The following TMEM131L variants were observed in gnomAD, a reference collection of about 807,000 sequenced individuals.
TMEM131L encodes the protein transmembrane 131 like.
In TMEM131L, 54 loss-of-function variants were observed where a neutral mutation model predicts 192.2. The observed-to-expected ratio is 0.28, with a 90% CI of 0.23 to 0.35. The LOEUF (loss-of-function observed/expected upper bound fraction) is 0.35. TMEM131L is among the 10% of genes least tolerant of loss of function. TMEM131L has a pLI of 1.00. For synonymous variants in TMEM131L, 701 were observed against 704.9 expected, an observed-to-expected ratio of 0.99 and a Z score of 0.09; for missense variants, 1,888 against 1,972.9, an observed-to-expected ratio of 0.96 and a Z score of 0.82.
In TMEM131L at chr4:153,603,326, T is replaced by G. The variant is rs1338777054; in HGVS notation, c.2663T>G (p.Leu888Ter). ...AGTTTGTCCCTGTTGGGTGTGATTT[T>G]AATAGCCTTCCAACAAGCACAGTAC... ...FVSLSLLGVI[L>*]IAFQQAQYIL... The change falls in exon 24 of 35, where the codon TTA (leucine) becomes TGA (stop). Residue 888 changes from leucine (L) to a stop codon, truncating the protein, a stop_gained. Transcript: ENST00000409959. LOFTEE classifies it high-confidence loss of function. 1 of 1,613,868 alleles carries G rather than the reference T, an allele frequency of 6.2e-7. No individual in the cohort carries two copies. Among genetic ancestry groups the G allele is most frequent in the Non-Finnish European group, 8.5e-7 (1 of 1,179,868 alleles).
At chr4:153,503,613 G>A (rs549859979) in intron 3 of TMEM131L, among the ~76,000 whole-genome samples, 6 of 152,268 alleles carry the variant, frequency 3.9e-5, no homozygotes, top group Non-Finnish European at 1.5e-5. Flanking sequence ...TTCATGGCCG[G>A]ACTCAGGACA....
chr4:153,561,391 A>T (rs1000038167), intron 7 of TMEM131L, among the ~76,000 whole-genome samples: 1 of 152,124 alleles, frequency 6.6e-6, no homozygotes, highest in African/African-American at 2.4e-5. Context: ...GATGAAGTCA[A>T]GTTTTTCTGT....
chr4:153,499,733 C>T (rs1277663927), intron 3 of TMEM131L, among the ~76,000 whole-genome samples: 1 of 152,186 alleles, frequency 6.6e-6, no homozygotes, highest in Admixed American at 6.5e-5. Flanking sequence ...CCCCTTATGA[C>T]ATTCTTACCC....
intron 3 of TMEM131L, among the ~76,000 whole-genome samples, chr4:153,527,777 G>A (rs1432184498): frequency 1.3e-5 from 2 of 152,172 alleles, no homozygotes; most frequent in Admixed American, 6.5e-5. Flanking sequence ...GTTTTACCTG[G>A]CAGCGTGTGG....
chr4:153,589,133 G>A, intron 16 of TMEM131L, 126 bp downstream of exon 16: 2 of 612,902 alleles, frequency 3.3e-6, no homozygotes, highest in Non-Finnish European at 5.8e-6. Context: ...TGAAACTGTA[G>A]CAGACCCTAT....
rs551112538 is a variant in TMEM131L, at chr4:153,580,706, T to A, written c.661-120T>A. ...ATAATGCCCAGCATTTAGCAGATAC[T>A]CAGATATTTATTGAATAAATGAAAA... On this transcript the variant is annotated intron_variant, in intron 7 of 34. Coordinates refer to ENST00000409959, the MANE Select transcript of TMEM131L (RefSeq NM_001131007.2). 1.2e-4 allele frequency: 76 copies of A among 618,972 alleles called. No homozygotes were observed. In the East Asian group the frequency reaches 2.1e-3, roughly 17 times the overall value. 38.3% of individuals were successfully genotyped at this position (618,972 alleles called of 1,614,324 possible). A position where few individuals can be genotyped will look rare whatever the true frequency, so the allele number is the denominator to read the frequency against.
At chr4:153,575,214 A>G (rs1040963041) in intron 7 of TMEM131L, among the ~76,000 whole-genome samples, 3 of 152,146 alleles carry the variant, frequency 2.0e-5, no homozygotes, top group South Asian at 2.1e-4. Flanking sequence ...AGTCCCCCCA[A>G]ATCACACCCT....
At chr4:153,552,888 A>G (rs1275090223) in intron 4 of TMEM131L, among the ~76,000 whole-genome samples, 5 of 152,088 alleles carry the variant, frequency 3.3e-5, no homozygotes, top group Non-Finnish European at 4.4e-5. Flanking sequence ...AATATAGTGT[A>G]AATACTATGT....
chr4:153,594,571 A>G (rs148401987), intron 19 of TMEM131L, among the ~76,000 whole-genome samples: 184 of 152,360 alleles, frequency 1.2e-3, no homozygotes, highest in African/African-American at 4.1e-3. Context: ...ATACACATGT[A>G]AACTCACATA....
At chr4:153,625,986 C>T (rs192309593) in intron 29 of TMEM131L, among the ~76,000 whole-genome samples, 161 bp from the exon 30 acceptor site, 10 of 152,178 alleles carry the variant, frequency 6.6e-5, no homozygotes, top group South Asian at 6.2e-4. Context: ...TATAATTGCA[C>T]GATTCATGTT....
intron 5 of TMEM131L, among the ~76,000 whole-genome samples, chr4:153,556,435 T>C (rs1728459920): frequency 1.3e-5 from 2 of 152,232 alleles, no homozygotes; most frequent in South Asian, 4.1e-4. Flanking sequence ...CAGTGGTCTT[T>C]AACATTTAGT....
chr4:153,558,319 C>T lies in TMEM131L; in HGVS notation c.611C>T (p.Ala204Val), dbSNP rs766257532. Residue 204 changes from alanine (A) to valine (V), a missense_variant, in exon 7 of 35, where the codon GCT becomes GTT. Transcript: ENST00000409959. Reference sequence around the variant, plus strand: ...GGGTCTGCAAAGCAGCTACCAAATGCTTATTTTCTGCTTCCAAAGGTCCAG... The same window carrying T: ...GGGTCTGCAAAGCAGCTACCAAATGTTTATTTTCTGCTTCCAAAGGTCCAG... ...TEGSAKQLPN[A>V]YFLLPKVQSI... is the part of the protein sequence containing the mutation. 3 of 1,609,142 alleles carry T rather than the reference C, an allele frequency of 1.9e-6. No homozygotes were observed. The highest frequency in any genetic ancestry group is 2.6e-6 in the Non-Finnish European group (3 of 1,176,302).
intron 3 of TMEM131L, among the ~76,000 whole-genome samples, chr4:153,515,626 A>G (rs538952456): frequency 7.9e-5 from 12 of 152,270 alleles, no homozygotes; most frequent in African/African-American, 2.2e-4. Flanking sequence ...TGGTAACTTT[A>G]TGTGTTCCAT....
Position 153,555,720 on chromosome 4 carries a change from A to G in TMEM131L, c.309-67A>G. The G allele has an allele frequency of 7.5e-7, 1 of 1,340,140 alleles. No homozygotes were observed. The highest frequency in any genetic ancestry group is 1.0e-6 in the Non-Finnish European group (1 of 973,910). The allele number at this position is 1,340,140 out of a possible 1,614,324, so 83.0% of individuals were successfully genotyped here. A position where few individuals can be genotyped will look rare whatever the true frequency, so the allele number is the denominator to read the frequency against. On this transcript the variant is annotated intron_variant, in intron 4 of 34. Coordinates refer to ENST00000409959, the MANE Select transcript of TMEM131L (RefSeq NM_001131007.2). This position sits in a 1 kb window ranked among gnomAD's most constrained non-coding sequence, Gnocchi z 4.1. ...TCTGTGTGTATATATATAATAATACATATATATGTATGGTAATATTTATAA... is the reference window on the plus strand; with the variant it reads ...TCTGTGTGTATATATATAATAATACGTATATATGTATGGTAATATTTATAA...
intron 7 of TMEM131L, among the ~76,000 whole-genome samples, chr4:153,562,041 A>AT (rs754792062): frequency 0.057 from 8,212 of 145,264 alleles, 621 homozygotes; most frequent in African/African-American, 0.17. Flanking sequence ...TAAATTTTAA[A>AT]TTTTTTTTTT....
intron 20 of TMEM131L, among the ~76,000 whole-genome samples, chr4:153,597,220 T>A (rs1219805867): frequency 6.6e-6 from 1 of 151,972 alleles, no homozygotes. Flanking sequence ...CTTAATGCCC[T>A]GTTGACTTAG....
At chr4:153,496,760 C>T (rs182014249) in intron 3 of TMEM131L, among the ~76,000 whole-genome samples, 59 of 152,058 alleles carry the variant, frequency 3.9e-4, no homozygotes, top group Non-Finnish European at 6.9e-4. Context: ...CTATGTTGCC[C>T]AGGCTGGTCT....
chr4:153,565,258 A>G (rs1472823005), intron 7 of TMEM131L, among the ~76,000 whole-genome samples: 2 of 152,224 alleles, frequency 1.3e-5, no homozygotes, highest in Non-Finnish European at 2.9e-5. Flanking sequence ...GAGGACTCCC[A>G]GAGTTTTTAA....
At position 153,505,784 on chromosome 4, in the gene TMEM131L, T is replaced by C. The variant is rs147444337; in HGVS notation, c.239+31896T>C. Among the ~76,000 whole-genome samples, 757 of 152,128 alleles carry C rather than the reference T, an allele frequency of 5.0e-3. 11 individuals carry two copies. The highest frequency in any genetic ancestry group is 0.017 in the African/African-American group (698 of 41,514). ...ACAAATTCAGAAAAAGAGAGCTAAT[T>C]TGGGGCCAGAATGGTGAGAGAGGGA... On this transcript the variant is annotated intron_variant, in intron 3 of 34. Transcript: ENST00000409959.
Sources: allele counts gnomAD v4.1 joint callset (sites outside exome capture counted in the v4.1 genomes callset), GRCh38; gene constraint gnomAD v4.1.1; non-coding constraint Gnocchi (gnomAD v3.1); transcripts MANE v1.5; gene names NCBI Gene and HGNC (gene_info 2026-07-23, HGNC 2026-07-21).